The following SLC24A3 variants were observed in gnomAD, a reference collection of about 807,000 sequenced individuals.
The protein encoded by SLC24A3 is solute carrier family 24 member 3.
SLC24A3 carries 28 observed loss-of-function variants against 75.8 expected under a neutral mutation model. The observed-to-expected ratio is 0.37, with a 90% CI of 0.27 to 0.51. The LOEUF (loss-of-function observed/expected upper bound fraction) is 0.51, where lower values mean the gene tolerates loss of function less well. SLC24A3 is among the 20% of genes least tolerant of loss of function. SLC24A3 has a pLI of 0.94. For missense variants in SLC24A3, 663 were observed against 847.8 expected (o/e 0.78, Z 2.71); for synonymous variants, 372 against 334.1 (o/e 1.11, Z -1.24).
intron 2 of SLC24A3, among the ~76,000 whole-genome samples, chr20:19,344,811 G>T (rs1985351969): frequency 6.6e-6 from 1 of 152,226 alleles, no homozygotes; most frequent in Non-Finnish European, 1.5e-5. Flanking sequence ...AGACAAGGAA[G>T]ATTGAATGCC....
chr20:19,344,334 C>A (rs149390518), intron 2 of SLC24A3, among the ~76,000 whole-genome samples: 1 of 152,134 alleles, frequency 6.6e-6, no homozygotes, highest in African/African-American at 2.4e-5. Flanking sequence ...GCAGTACTTG[C>A]GAGCATTCTG....
intron 2 of SLC24A3, among the ~76,000 whole-genome samples, chr20:19,463,700 G>A (rs1600240115): frequency 6.6e-6 from 1 of 152,200 alleles, no homozygotes; most frequent in African/African-American, 2.4e-5. Context: ...CCTCTTCTGG[G>A]CCACATGTGC....
intron 2 of SLC24A3, among the ~76,000 whole-genome samples, chr20:19,313,901 C>T (rs1984518239): frequency 6.6e-6 from 1 of 152,162 alleles, no homozygotes; most frequent in South Asian, 2.1e-4. Context: ...ACTTCAACCC[C>T]ATGAGGAGAT....
intron 2 of SLC24A3, among the ~76,000 whole-genome samples, chr20:19,418,531 A>C (rs1285525668): frequency 6.6e-6 from 1 of 152,104 alleles, no homozygotes; most frequent in Non-Finnish European, 1.5e-5. Context: ...TTATAGAAGC[A>C]AAACAAAACA....
intron 1 of SLC24A3, among the ~76,000 whole-genome samples, chr20:19,270,054 AT>A (rs1983279841): frequency 6.6e-6 from 1 of 152,102 alleles, no homozygotes; most frequent in Non-Finnish European, 1.5e-5. Flanking sequence ...GTCCAGCCTG[AT>A]TGGGAGTCCC....
chr20:19,412,361 A>C (rs533854411), intron 2 of SLC24A3, among the ~76,000 whole-genome samples: 3 of 152,170 alleles, frequency 2.0e-5, no homozygotes, highest in Non-Finnish European at 4.4e-5. Flanking sequence ...GATTGTGACC[A>C]TTCAGGTTCC....
intron 2 of SLC24A3, among the ~76,000 whole-genome samples, chr20:19,392,614 T>G (rs1235674230): frequency 6.6e-6 from 1 of 152,196 alleles, no homozygotes; most frequent in Non-Finnish European, 1.5e-5. Flanking sequence ...GCTCCCATGG[T>G]AATGATATTG....
At chr20:19,289,993 C>T (rs1469297836) in intron 2 of SLC24A3, among the ~76,000 whole-genome samples, 2 of 152,132 alleles carry the variant, frequency 1.3e-5, no homozygotes, top group Admixed American at 6.5e-5. Context: ...TCTGGGTTGC[C>T]AGGTGGGCTC....
chr20:19,585,051 C>A lies in SLC24A3; in HGVS notation c.504C>A (p.Val168=). 1 of 1,612,530 alleles carries A rather than the reference C, an allele frequency of 6.2e-7. No homozygotes were observed. Among genetic ancestry groups the A allele is most frequent in the South Asian group, 1.1e-5 (1 of 91,018 alleles). ...CGGCCCCAGAGCTGTTCACATCGGTCATAGGTAGGTGACAGACTGAGGGAC... is the reference window on the plus strand; with the variant it reads ...CGGCCCCAGAGCTGTTCACATCGGTAATAGGTAGGTGACAGACTGAGGGAC... ...GSSAPELFTS[V]IGVFITKGDV... is the part of the protein sequence containing the mutation. Residue 168 remains valine (V), a synonymous_variant, in exon 5 of 17, where the codon GTC becomes GTA. Coordinates refer to ENST00000328041, the MANE Select transcript of SLC24A3 (RefSeq NM_020689.4).
At chr20:19,644,973 A>G (rs946769497) in intron 6 of SLC24A3, among the ~76,000 whole-genome samples, 3 of 152,206 alleles carry the variant, frequency 2.0e-5, no homozygotes, top group Admixed American at 6.5e-5. Context: ...CCATAGCCAC[A>G]TGAGCTGTAT....
rs73290519 is a variant in SLC24A3, at chr20:19,455,886, T to C, written c.272-59602T>C. ...GAGGCTAAAATTATAAGTGTCAGTA[T>C]AATATATAATTGGTTCCTTAAGTAA... On this transcript the variant is annotated intron_variant, in intron 2 of 16. Coordinates refer to ENST00000328041, the MANE Select transcript of SLC24A3 (RefSeq NM_020689.4). Among the ~76,000 whole-genome samples, 779 of 152,358 alleles carry C rather than the reference T, an allele frequency of 5.1e-3. 10 individuals carry two copies. Among genetic ancestry groups the C allele is most frequent in the African/African-American group, 0.016 (668 of 41,580 alleles).
chr20:19,431,459 C>T (rs1318118468), intron 2 of SLC24A3, among the ~76,000 whole-genome samples: 1 of 152,004 alleles, frequency 6.6e-6, no homozygotes, highest in Non-Finnish European at 1.5e-5. Context: ...CCTTGGTGTT[C>T]CTGCTGTGCT....
intron 6 of SLC24A3, among the ~76,000 whole-genome samples, chr20:19,613,261 G>A (rs1453655599): frequency 6.6e-6 from 1 of 152,120 alleles, no homozygotes; most frequent in Admixed American, 6.5e-5. Context: ...GAGCATTATG[G>A]GGCAGACAGC....
intron 12 of SLC24A3, among the ~76,000 whole-genome samples, chr20:19,691,049 A>G (rs2032739247): frequency 1.3e-5 from 2 of 152,228 alleles, no homozygotes; most frequent in South Asian, 4.1e-4. Flanking sequence ...CTGCCTTTCA[A>G]TCAGGTGCTA....
At chr20:19,258,638 G>T (rs1163974937) in intron 1 of SLC24A3, among the ~76,000 whole-genome samples, 2 of 152,222 alleles carry the variant, frequency 1.3e-5, no homozygotes, top group Non-Finnish European at 2.9e-5. Flanking sequence ...GGAGGCGGAA[G>T]TTGCAGTGAG....
chr20:19,218,451 AG>A (rs1160829206), intron 1 of SLC24A3, among the ~76,000 whole-genome samples: 1 of 152,232 alleles, frequency 6.6e-6, no homozygotes, highest in East Asian at 1.9e-4. Flanking sequence ...TCTGTGGAGG[AG>A]GACATGAATA....
intron 2 of SLC24A3, among the ~76,000 whole-genome samples, chr20:19,312,037 A>T (rs1283979919): frequency 6.6e-6 from 1 of 152,184 alleles, no homozygotes; most frequent in Non-Finnish European, 1.5e-5. Context: ...TGAGCCTCTA[A>T]TATAAGAACA....
Position 19,274,808 on chromosome 20 carries a change from T to C in SLC24A3, c.143-6151T>C, listed in dbSNP as rs957114918. On this transcript the variant is annotated intron_variant, in intron 1 of 16. Coordinates refer to ENST00000328041, the MANE Select transcript of SLC24A3 (RefSeq NM_020689.4). ...AAGGCGTCCGCTGGCTGCGGGCTTA[T>C]GCAAACCTGACCTCCAACCCCAGGG... 3.3e-5 allele frequency among the ~76,000 whole-genome samples: 5 copies of C among 152,286 alleles called. 1 individual carries two copies. Among genetic ancestry groups the C allele is most frequent in the Non-Finnish European group, 2.9e-5 (2 of 68,020 alleles).
intron 2 of SLC24A3, among the ~76,000 whole-genome samples, chr20:19,368,189 C>A (rs1985930770): frequency 6.6e-6 from 1 of 150,758 alleles, no homozygotes; most frequent in East Asian, 2.0e-4. Context: ...GGATGTTGGG[C>A]TTCTTTTAAC....
Sources: allele counts gnomAD v4.1 joint callset (sites outside exome capture counted in the v4.1 genomes callset), GRCh38; gene constraint gnomAD v4.1.1; transcripts MANE v1.5; gene names NCBI Gene and HGNC (gene_info 2026-07-23, HGNC 2026-07-21).